The following SLC35F4 variants were observed in gnomAD, a reference collection of about 807,000 sequenced individuals.
The protein encoded by SLC35F4 is chromosome 14 open reading frame 36.
Under a neutral mutation model 44.2 loss-of-function variants are expected in SLC35F4, and 24 were observed. That is an observed-to-expected ratio of 0.54 (90% CI 0.39 to 0.76). SLC35F4 has a LOEUF of 0.76. Among genes scored for constraint, SLC35F4 ranks in the 30% least tolerant of loss-of-function variants. The probability of loss-of-function intolerance (pLI) is 0.00; values close to 1 mark genes in which losing one functional copy is unlikely to be tolerated. For missense variants in SLC35F4, 562 were observed against 586.1 expected (o/e 0.96, Z 0.42); for synonymous variants, 238 against 223.6 (o/e 1.06, Z -0.57).
intron 1 of SLC35F4, among the ~76,000 whole-genome samples, chr14:57,600,336 C>G (rs1452649166): frequency 6.6e-6 from 1 of 152,154 alleles, no homozygotes; most frequent in Non-Finnish European, 1.5e-5. Context: ...GGATTTTTCA[C>G]TTGATGTTGG....
At chr14:57,697,289 TTATTTC>T (rs1358715514) in intron 1 of SLC35F4, among the ~76,000 whole-genome samples, 1 of 152,188 alleles carries the variant, frequency 6.6e-6, no homozygotes, top group Non-Finnish European at 1.5e-5. Context: ...TGTCTTTTTG[TTATTTC>T]TATTTTAACT....
intron 4 of SLC35F4, among the ~76,000 whole-genome samples, chr14:57,577,892 G>T (rs1221090369): frequency 6.6e-6 from 1 of 152,118 alleles, no homozygotes; most frequent in African/African-American, 2.4e-5. Context: ...GCTCATGAAA[G>T]GGCTTTTTAT....
At chr14:57,898,959 T>A (rs1279616198) in intron 1 of SLC35F4, among the ~76,000 whole-genome samples, 1 of 152,148 alleles carries the variant, frequency 6.6e-6, no homozygotes, top group African/African-American at 2.4e-5. Context: ...GCTCCTATCT[T>A]GCTCCTAGTT....
At chr14:57,776,644 C>A (rs1490996625) in intron 1 of SLC35F4, among the ~76,000 whole-genome samples, 1 of 119,270 alleles carries the variant, frequency 8.4e-6, no homozygotes, top group Non-Finnish European at 1.6e-5. Context: ...CCAGCTTGGG[C>A]AGCAGAGCAA....
intron 1 of SLC35F4, among the ~76,000 whole-genome samples, chr14:57,858,406 C>G (rs1887338442): frequency 6.6e-6 from 1 of 151,898 alleles, no homozygotes. Flanking sequence ...TGGAAAGCAT[C>G]ATTCTCAGCA....
intron 1 of SLC35F4, among the ~76,000 whole-genome samples, chr14:57,598,272 A>G (rs996579500): frequency 6.6e-5 from 10 of 152,192 alleles, no homozygotes; most frequent in Non-Finnish European, 1.2e-4. Flanking sequence ...TCTGAGAGAA[A>G]TCTAGTTGCA....
chr14:57,713,752 A>C (rs1594861706), intron 1 of SLC35F4, among the ~76,000 whole-genome samples: 2 of 152,270 alleles, frequency 1.3e-5, no homozygotes, highest in Middle Eastern at 6.8e-3. Flanking sequence ...GAATGGACGG[A>C]GGGGGTGCCA....
intron 1 of SLC35F4, among the ~76,000 whole-genome samples, chr14:57,763,169 A>G (rs1755545852): frequency 6.6e-6 from 1 of 152,168 alleles, no homozygotes; most frequent in African/African-American, 2.4e-5. Flanking sequence ...TTAGCTATGC[A>G]TTCACTTTAT....
At chr14:57,898,738 T>C (rs1253391579) in intron 1 of SLC35F4, among the ~76,000 whole-genome samples, 2 of 152,208 alleles carry the variant, frequency 1.3e-5, no homozygotes, top group Non-Finnish European at 2.9e-5. Flanking sequence ...TAACAACTTA[T>C]TCAATATGGA....
intron 1 of SLC35F4, among the ~76,000 whole-genome samples, chr14:57,762,688 G>T (rs1044719167): frequency 6.6e-6 from 1 of 152,064 alleles, no homozygotes; most frequent in East Asian, 1.9e-4. Flanking sequence ...TCATGGGAGT[G>T]GGTTCTTGAT....
At chr14:57,659,107 G>A (rs2074057824) in intron 1 of SLC35F4, among the ~76,000 whole-genome samples, 1 of 152,142 alleles carries the variant, frequency 6.6e-6, no homozygotes, top group Non-Finnish European at 1.5e-5. Flanking sequence ...GATTCCTTCA[G>A]TTTTCTACTT....
chr14:57,852,364 T>A (rs1156255564), intron 1 of SLC35F4, among the ~76,000 whole-genome samples: 3 of 152,026 alleles, frequency 2.0e-5, no homozygotes, highest in Non-Finnish European at 2.9e-5. Context: ...CATAATAAGG[T>A]CATGAAAGTG....
At chr14:57,938,373 T>A (rs573827393) in intron 1 of SLC35F4, among the ~76,000 whole-genome samples, 1 of 152,106 alleles carries the variant, frequency 6.6e-6, no homozygotes, top group Admixed American at 6.5e-5. Context: ...TGTAATTGAG[T>A]GTCCTGGTTA....
At chr14:57,899,321 C>T (rs532482438) in intron 1 of SLC35F4, among the ~76,000 whole-genome samples, 1 of 152,156 alleles carries the variant, frequency 6.6e-6, no homozygotes, top group East Asian at 1.9e-4. Context: ...GGTAACTTGC[C>T]CCAGGTCCCA....
intron 4 of SLC35F4, among the ~76,000 whole-genome samples, chr14:57,573,205 C>T (rs1309504216): frequency 6.6e-6 from 1 of 152,126 alleles, no homozygotes; most frequent in Non-Finnish European, 1.5e-5. Flanking sequence ...AGTATGTTCC[C>T]AATTACATAG....
chr14:57,844,079 T>A (rs1358954253), intron 1 of SLC35F4, among the ~76,000 whole-genome samples: 1 of 152,066 alleles, frequency 6.6e-6, no homozygotes. Flanking sequence ...TAGGAAAAAA[T>A]TACCTTGAAA....
rs566974737 is a variant in SLC35F4 at position 57,777,663 on chromosome 14, G to A, written c.103+88060C>T. Among the ~76,000 whole-genome samples the A allele has an allele frequency of 1.6e-4, 24 of 152,190 alleles. No homozygotes were observed. The South Asian group carries it at 3.3e-3, about 21-fold the overall frequency. On this transcript the variant is annotated intron_variant, in intron 1 of 7. Coordinates refer to ENST00000556826, the MANE Select transcript of SLC35F4 (RefSeq NM_001306087.2). ...GGGGCTGGGGGAGGGATAGCATTAG[G>A]AGAAATACCTAATGTAAATGACGAG...
intron 1 of SLC35F4, among the ~76,000 whole-genome samples, chr14:57,818,804 C>G (rs553943965): frequency 6.6e-6 from 1 of 152,114 alleles, no homozygotes; most frequent in Non-Finnish European, 1.5e-5. Flanking sequence ...AGCCTCAGGA[C>G]GAAGTACAAC....
chr14:57,570,490 G>T (rs896313761), intron 5 of SLC35F4, among the ~76,000 whole-genome samples: 1 of 152,116 alleles, frequency 6.6e-6, no homozygotes, highest in Non-Finnish European at 1.5e-5. Context: ...CACAAATATG[G>T]TGCTTGTTCC....
Sources: allele counts gnomAD v4.1 joint callset (sites outside exome capture counted in the v4.1 genomes callset), GRCh38; gene constraint gnomAD v4.1.1; transcripts MANE v1.5; gene names NCBI Gene and HGNC (gene_info 2026-07-23, HGNC 2026-07-21).